The following EPS15 variants were observed in gnomAD, a reference collection of about 807,000 sequenced individuals.
EPS15 encodes the protein epidermal growth factor receptor substrate 15.
EPS15 carries 72 observed loss-of-function variants against 113.8 expected under a neutral mutation model. The observed-to-expected ratio is 0.63, with a 90% confidence interval of 0.52 to 0.77. EPS15 has a LOEUF of 0.77. Among genes scored for constraint, EPS15 ranks in the 30% least tolerant of loss-of-function variants. EPS15 has a pLI of 0.00. For synonymous variants in EPS15, 344 were observed against 363.4 expected (o/e 0.95, Z 0.61); for missense variants, 1,048 against 1,045.8 (o/e 1.00, Z -0.03).
At chr1:51,378,203 A>ATTT (rs59739270) in intron 21 of EPS15, among the ~76,000 whole-genome samples, 5,841 of 147,078 alleles carry the variant, frequency 0.04, 192 homozygotes, top group Middle Eastern at 0.094. Flanking sequence ...GATCATTAGC[A>ATTT]TTTTTTTTTT....
chr1:51,378,721 C>T (rs1646862259), intron 21 of EPS15, among the ~76,000 whole-genome samples: 1 of 152,114 alleles, frequency 6.6e-6, no homozygotes. Context: ...TTCAAAGACA[C>T]TTTAAAAATA....
intron 1 of EPS15, among the ~76,000 whole-genome samples, chr1:51,517,186 T>C (rs1369810884): frequency 2.0e-5 from 3 of 152,232 alleles, no homozygotes; most frequent in East Asian, 1.9e-4. Flanking sequence ...ATCCCTCTTA[T>C]TGCCTCTTCA....
chr1:51,467,575 C>T (rs72679103), intron 5 of EPS15, among the ~76,000 whole-genome samples: 4,576 of 152,224 alleles, frequency 0.03, 76 homozygotes, highest in African/African-American at 0.05. Flanking sequence ...GAATTATGTG[C>T]ATAGCAGGAG....
intron 1 of EPS15, among the ~76,000 whole-genome samples, chr1:51,507,283 G>T (rs1045109333): frequency 2.0e-5 from 3 of 152,072 alleles, no homozygotes; most frequent in African/African-American, 7.2e-5. Context: ...ACACATTAGG[G>T]CTTAAACTAT....
In EPS15 at chr1:51,444,983, T is replaced by C. The variant is rs368133150; in HGVS notation, c.860A>G (p.His287Arg). The change falls in exon 11 of 25, where the codon CAC (histidine) becomes CGC (arginine). Residue 287 changes from histidine to arginine, a missense_variant. His to Arg is a conservative substitution (Grantham distance 29). Transcript: ENST00000371733. ...LSKDQFALAF[H>R]LISQKLIKGI... is the part of the protein sequence containing the mutation. ...CTTGATTAACTTCTGACTGATTAAG[T>C]GAAAAGCCAAGGCAAACTGATCCTT... The C allele has an allele frequency of 4.9e-5, 79 of 1,613,902 alleles. No individual in the cohort carries two copies. The highest frequency in any genetic ancestry group is 6.6e-5 in the Non-Finnish European group (78 of 1,179,932).
chr1:51,387,244 A>C (rs1647106325), intron 21 of EPS15, among the ~76,000 whole-genome samples: 1 of 152,168 alleles, frequency 6.6e-6, no homozygotes, highest in African/African-American at 2.4e-5. Flanking sequence ...AGGAGAAATA[A>C]AATACTTTAC....
intron 4 of EPS15, among the ~76,000 whole-genome samples, chr1:51,469,760 T>C (rs919412478): frequency 6.6e-6 from 1 of 152,128 alleles, no homozygotes; most frequent in African/African-American, 2.4e-5. Flanking sequence ...CATTTTCTTC[T>C]CATTCATTCC....
At chr1:51,502,623 T>C (rs1644431862) in intron 1 of EPS15, among the ~76,000 whole-genome samples, 1 of 152,188 alleles carries the variant, frequency 6.6e-6, no homozygotes, top group African/African-American at 2.4e-5. Context: ...GTAATAAATA[T>C]GTTCAGATGG....
In EPS15 at chr1:51,356,622, G is replaced by T; in HGVS notation, c.*78C>A. ...TTTTGTATTCCCATGCTCACAGGTA[G>T]TTTTGATACACATTGTAAATAGTTT... On this transcript the variant is annotated 3_prime_UTR_variant, in exon 25 of 25. Transcript: ENST00000371733. 1 of 1,273,298 alleles carries T rather than the reference G, an allele frequency of 7.9e-7. No individual in the cohort carries two copies. 78.9% of individuals were successfully genotyped at this position (1,273,298 alleles called of 1,614,324 possible).
At chr1:51,448,233 C>A in intron 8 of EPS15, 98 bp from the exon 9 acceptor site, 2 of 644,546 alleles carry the variant, frequency 3.1e-6, no homozygotes, top group Non-Finnish European at 5.0e-6. Context: ...GTCAGGCTCT[C>A]AAATCCTTTT....
At chr1:51,405,216 C>A (rs575667325) in intron 16 of EPS15, among the ~76,000 whole-genome samples, 8 of 152,272 alleles carry the variant, frequency 5.3e-5, no homozygotes, top group African/African-American at 1.9e-4. Context: ...AGACTGAGGT[C>A]TCTTGTCTCT....
At chr1:51,460,913 C>T (rs1654387335) in intron 8 of EPS15, 178 bp downstream of exon 8, 1 of 489,398 alleles carries the variant, frequency 2.0e-6, no homozygotes, top group South Asian at 2.5e-5. Flanking sequence ...AAGATTGTGC[C>T]ACTGCACTCC....
intron 21 of EPS15, chr1:51,372,666 G>A (rs1203071148): frequency 4.7e-6 from 2 of 423,290 alleles, no homozygotes; most frequent in Non-Finnish European, 9.2e-6. Flanking sequence ...GCCCACAGAA[G>A]CATATATTTC....
intron 1 of EPS15, among the ~76,000 whole-genome samples, chr1:51,508,380 G>GAA (rs201284333): frequency 1.3e-4 from 19 of 147,920 alleles, no homozygotes; most frequent in Non-Finnish European, 2.2e-4. Context: ...AAGAAAGAAA[G>GAA]AAAGAGAAAA....
At chr1:51,436,294 G>T (rs766507999) in intron 12 of EPS15, among the ~76,000 whole-genome samples, 7 of 152,182 alleles carry the variant, frequency 4.6e-5, no homozygotes, top group Non-Finnish European at 1.0e-4. Context: ...TTATATATCA[G>T]TTGGAAGTAG....
chr1:51,365,440 C>A (rs1313177455), intron 22 of EPS15, among the ~76,000 whole-genome samples: 3 of 152,196 alleles, frequency 2.0e-5, no homozygotes, highest in African/African-American at 7.2e-5. Context: ...AACCAAGGAA[C>A]CAACAATCTA....
chr1:51,401,299 T>C (rs1188931046), intron 18 of EPS15: 1 of 172,248 alleles, frequency 5.8e-6, no homozygotes, highest in Non-Finnish European at 1.2e-5. Context: ...TCTTACAGGA[T>C]TGAAGAGTCC....
intron 15 of EPS15, among the ~76,000 whole-genome samples, chr1:51,407,791 G>A (rs1203758633): frequency 6.6e-6 from 1 of 152,164 alleles, no homozygotes; most frequent in Admixed American, 6.5e-5. Flanking sequence ...CCTCACAGTG[G>A]CCCTAAGGGG....
chr1:51,398,853 C>T (rs959615148), intron 20 of EPS15, among the ~76,000 whole-genome samples, 179 bp downstream of exon 20: 1 of 152,098 alleles, frequency 6.6e-6, no homozygotes, highest in African/African-American at 2.4e-5. Context: ...AGTGGGTAAT[C>T]AAACTATGAA....
Sources: allele counts gnomAD v4.1 joint callset (sites outside exome capture counted in the v4.1 genomes callset), GRCh38; gene constraint gnomAD v4.1.1; transcripts MANE v1.5; gene names NCBI Gene and HGNC (gene_info 2026-07-23, HGNC 2026-07-21).